Variants in CPEB2 observed in about 807,000 individuals in gnomAD.
CPEB2 encodes the protein cytoplasmic polyadenylation element binding protein 2.
In CPEB2, 56 loss-of-function variants were observed where a neutral mutation model predicts 93.6. The ratio of observed to expected loss-of-function variants is 0.60; its 90% CI spans 0.48 to 0.75. CPEB2 has a LOEUF of 0.75. CPEB2 is among the 30% of genes least tolerant of loss of function. CPEB2 has a pLI of 0.00. For synonymous variants in CPEB2, 764 were observed against 586.3 expected (o/e 1.30, Z -4.38); for missense variants, 1,579 against 1,395.1 (o/e 1.13, Z -2.10).
chr4:15,028,211 G>A (rs1725686176), intron 4 of CPEB2, among the ~76,000 whole-genome samples: 1 of 151,946 alleles, frequency 6.6e-6, no homozygotes, highest in South Asian at 2.1e-4. Context: ...AAATAGTTTA[G>A]AGAAGGGAAA....
chr4:15,034,102 T>C (rs1202006722), intron 5 of CPEB2, among the ~76,000 whole-genome samples: 1 of 152,134 alleles, frequency 6.6e-6, no homozygotes, highest in South Asian at 2.1e-4. Flanking sequence ...TAGGAGATGG[T>C]CAGGGTAAGT....
At chr4:15,026,741 A>G (rs904890800) in intron 4 of CPEB2, among the ~76,000 whole-genome samples, 5 of 152,342 alleles carry the variant, frequency 3.3e-5, no homozygotes, top group Middle Eastern at 3.4e-3. Flanking sequence ...GAATTCCTGT[A>G]TATTGTATCT....
intron 6 of CPEB2, among the ~76,000 whole-genome samples, chr4:15,050,636 T>C (rs1728140905): frequency 6.6e-6 from 1 of 152,194 alleles, no homozygotes; most frequent in South Asian, 2.1e-4. Context: ...TTATTAAAAG[T>C]AATTATCTTA....
In CPEB2 at chr4:15,069,548, T is replaced by C. The variant is rs897104173; in HGVS notation, c.*3168T>C. 1 of 152,244 alleles carries C rather than the reference T, an allele frequency of 6.6e-6. No homozygotes were observed. The highest frequency in any genetic ancestry group is 1.5e-5 in the Non-Finnish European group (1 of 67,840). 9.4% of individuals were successfully genotyped at this position (152,244 alleles called of 1,614,324 possible). On this transcript the variant is annotated 3_prime_UTR_variant, in exon 12 of 12. Transcript: ENST00000538197. ...TGTTTTGCTAACAAAAGGAGAGACT[T>C]TTTTCATGCATATTTCTATTTTGTT...
intron 6 of CPEB2, among the ~76,000 whole-genome samples, chr4:15,041,871 T>A (rs752154889): frequency 6.6e-6 from 1 of 152,250 alleles, no homozygotes; most frequent in East Asian, 1.9e-4. Context: ...TTTTTTAATA[T>A]GGTTTTTTCA....
At chr4:15,060,939 G>T (rs933002232) in intron 10 of CPEB2, among the ~76,000 whole-genome samples, 1 of 152,142 alleles carries the variant, frequency 6.6e-6, no homozygotes, top group South Asian at 2.1e-4. Flanking sequence ...TTACAGGATT[G>T]CATGTGCAGT....
chr4:15,053,586 T>C (rs994787229), intron 7 of CPEB2, among the ~76,000 whole-genome samples: 1 of 152,234 alleles, frequency 6.6e-6, no homozygotes, highest in Admixed American at 6.5e-5. Flanking sequence ...TTCTAAGTAT[T>C]GATCTTCATA....
chr4:15,058,320 TG>T lies in CPEB2; in HGVS notation c.2462-100del, dbSNP rs1577465253. 2.3e-5 allele frequency: 16 copies of T among 692,158 alleles called. No homozygotes were observed. In the East Asian group the frequency reaches 3.0e-4, roughly 13 times the overall value. 42.9% of individuals were successfully genotyped at this position (692,158 alleles called of 1,614,324 possible). ...TGGTTTTTCATCCTATTTGATAGTT[TG>T]TTTTTTTTTTTCAAAAGCATGTATT... On this transcript the variant is annotated intron_variant, in intron 8 of 11. Transcript: ENST00000538197.
At chr4:15,026,252 A>C (rs1389510417) in intron 4 of CPEB2, among the ~76,000 whole-genome samples, 2 of 147,540 alleles carry the variant, frequency 1.4e-5, no homozygotes, top group African/African-American at 5.0e-5. Context: ...TTTGAGATGG[A>C]GTCTTGCTCT....
chr4:15,045,218 A>G (rs1351299620), intron 6 of CPEB2, among the ~76,000 whole-genome samples: 1 of 152,184 alleles, frequency 6.6e-6, no homozygotes, highest in East Asian at 1.9e-4. Context: ...ACCTTTAATT[A>G]GAATCTCACT....
chr4:15,052,034 T>C (rs1728278595), intron 6 of CPEB2, among the ~76,000 whole-genome samples: 1 of 152,190 alleles, frequency 6.6e-6, no homozygotes, highest in South Asian at 2.1e-4. Flanking sequence ...TATCCCCTTA[T>C]CTATTTAGTC....
Position 15,020,458 on chromosome 4 carries a change from A to C in CPEB2, c.2125+3180A>C, listed in dbSNP as rs560306372. On this transcript the variant is annotated intron_variant, in intron 4 of 11. Transcript: ENST00000538197. Reference sequence around the variant, plus strand: ...AAGTGGCAGGTTCCTGACCTAACTGAGGACTGGTGATTGTGCTAACAGAAG... The same window carrying C: ...AAGTGGCAGGTTCCTGACCTAACTGCGGACTGGTGATTGTGCTAACAGAAG... 3.3e-5 allele frequency among the ~76,000 whole-genome samples: 5 copies of C among 152,258 alleles called. No homozygotes were observed. The South Asian group carries it at 1.0e-3, about 32-fold the overall frequency.
intron 8 of CPEB2, among the ~76,000 whole-genome samples, chr4:15,056,489 C>A (rs568395722): frequency 6.6e-6 from 1 of 152,246 alleles, no homozygotes; most frequent in African/African-American, 2.4e-5. Flanking sequence ...TGTGGTTTTG[C>A]AGTATTTAGT....
chr4:15,033,311 C>A (rs1726306022), intron 5 of CPEB2, 100 bp downstream of exon 5: 1 of 752,470 alleles, frequency 1.3e-6, no homozygotes, highest in Non-Finnish European at 2.2e-6. Context: ...TTTAATCATT[C>A]TATGAGCATA....
intron 4 of CPEB2, among the ~76,000 whole-genome samples, chr4:15,020,183 T>C (rs1039907479): frequency 3.3e-5 from 5 of 152,086 alleles, no homozygotes; most frequent in African/African-American, 1.2e-4. Context: ...GTCTTCTATG[T>C]CCTAGCCTTA....
In CPEB2 at chr4:15,052,427, C is replaced by T. The variant is rs758877830; in HGVS notation, c.2214C>T (p.Leu738=). 1 of 1,514,850 alleles carries T rather than the reference C, an allele frequency of 6.6e-7. No homozygotes were observed. Among genetic ancestry groups the T allele is most frequent in the Non-Finnish European group, 8.9e-7 (1 of 1,122,556 alleles). The allele number at this position is 1,514,850 out of a possible 1,614,324, so 93.8% of individuals were successfully genotyped here. A position where few individuals can be genotyped will look rare whatever the true frequency, so the allele number is the denominator to read the frequency against. The change falls in exon 7 of 12, where the codon CTC becomes CTT. Residue 738 remains leucine, a synonymous_variant. Coordinates refer to ENST00000538197, the MANE Select transcript of CPEB2 (RefSeq NM_001177382.2). ...TCTTTATTCTAGGTCGTTCTTCCCT[C>T]TTTCCAATAGATGATGGCTTGCTTG... ...SYGRRRGRSS[L]FPIDDGLLDD...
At chr4:15,011,292 G>A (rs1228801484) in intron 3 of CPEB2, among the ~76,000 whole-genome samples, 1 of 151,544 alleles carries the variant, frequency 6.6e-6, no homozygotes, top group Admixed American at 6.6e-5. Context: ...GCAGAGACAG[G>A]GTTTCACCAT....
intron 4 of CPEB2, among the ~76,000 whole-genome samples, chr4:15,029,130 A>G (rs1725809059): frequency 6.6e-6 from 1 of 152,072 alleles, no homozygotes; most frequent in Non-Finnish European, 1.5e-5. Context: ...GATTACTTAT[A>G]ATACCTAAGT....
intron 4 of CPEB2, among the ~76,000 whole-genome samples, chr4:15,021,426 T>C (rs1223405778): frequency 6.6e-6 from 1 of 152,186 alleles, no homozygotes; most frequent in Non-Finnish European, 1.5e-5. Flanking sequence ...TATGTGTATA[T>C]ATATTCCCCC....
Sources: allele counts gnomAD v4.1 joint callset (sites outside exome capture counted in the v4.1 genomes callset), GRCh38; gene constraint gnomAD v4.1.1; transcripts MANE v1.5; gene names NCBI Gene and HGNC (gene_info 2026-07-23, HGNC 2026-07-21).